TOX2: variants seen among roughly 807,000 people sequenced by gnomAD.
The protein encoded by TOX2 is TOX high mobility group box family member 2.
TOX2 carries 15 observed loss-of-function variants against 47.4 expected under a neutral mutation model. That is an observed-to-expected ratio of 0.32 (90% CI 0.21 to 0.49). The LOEUF (loss-of-function observed/expected upper bound fraction) is 0.49, where lower values mean the gene tolerates loss of function less well. TOX2 is among the 20% of genes least tolerant of loss of function. The probability of loss-of-function intolerance (pLI) is 0.99; values close to 1 mark genes in which losing one functional copy is unlikely to be tolerated. For missense variants in TOX2, 622 were observed against 673.1 expected (o/e 0.92, Z 0.84); for synonymous variants, 290 against 296.6 (o/e 0.98, Z 0.23).
At chr20:43,970,714 C>T (rs911247222) in intron 1 of TOX2, among the ~76,000 whole-genome samples, 5 of 152,186 alleles carry the variant, frequency 3.3e-5, no homozygotes, top group East Asian at 1.9e-4. Context: ...TTGCTGAGAG[C>T]GCCCCCACCC....
At chr20:43,951,705 A>ATTTTTTTTTTTTTTT (rs1212223106) in intron 1 of TOX2, among the ~76,000 whole-genome samples, 5 of 30,384 alleles carry the variant, frequency 1.6e-4, no homozygotes, top group Non-Finnish European at 3.4e-4. Context: ...TAAACTTATT[A>ATTTTTTTTTTTTTTT]TGTTTTTTTT....
intron 6 of TOX2, among the ~76,000 whole-genome samples, chr20:44,065,509 C>T (rs996548233): frequency 6.6e-6 from 1 of 152,134 alleles, no homozygotes; most frequent in African/African-American, 2.4e-5. Context: ...GGGGAGCCCC[C>T]CAAAGATAAA....
At chr20:43,967,169 A>G (rs16988563) in intron 1 of TOX2, among the ~76,000 whole-genome samples, 5,950 of 152,194 alleles carry the variant, frequency 0.039, 382 homozygotes, top group African/African-American at 0.13. Context: ...GGAAGGTGAC[A>G]GTTTCTGTTA....
At chr20:44,063,873 A>G (rs2145794246) in intron 5 of TOX2, among the ~76,000 whole-genome samples, 1 of 152,314 alleles carries the variant, frequency 6.6e-6, no homozygotes, top group East Asian at 1.9e-4. Flanking sequence ...CCTGGATGGA[A>G]TTGGAGACAA....
At chr20:44,041,364 G>A (rs148384451) in intron 3 of TOX2, among the ~76,000 whole-genome samples, 61 of 152,316 alleles carry the variant, frequency 4.0e-4, no homozygotes, top group Non-Finnish European at 6.9e-4. Context: ...GTCCGGCACC[G>A]ACAGTGTCCA....
chr20:43,985,217 T>C (rs2070243077), intron 2 of TOX2, among the ~76,000 whole-genome samples: 1 of 152,216 alleles, frequency 6.6e-6, no homozygotes, highest in Admixed American at 6.5e-5. Flanking sequence ...TGAATATCTC[T>C]GAGGGACCTT....
chr20:43,945,264 A>G (rs565735573), intron 1 of TOX2, among the ~76,000 whole-genome samples: 14 of 152,338 alleles, frequency 9.2e-5, no homozygotes, highest in Non-Finnish European at 1.8e-4. Flanking sequence ...ACACATACAT[A>G]TACACCGTTA....
intron 1 of TOX2, among the ~76,000 whole-genome samples, chr20:43,953,391 G>A (rs559908318): frequency 3.3e-5 from 5 of 152,202 alleles, no homozygotes; most frequent in East Asian, 1.9e-4. Flanking sequence ...CTGTTGTGGC[G>A]CCCCTTGTAC....
chr20:44,014,157 G>GAAAAAAAAAAAA (rs2070832642), intron 3 of TOX2, among the ~76,000 whole-genome samples: 1 of 133,260 alleles, frequency 7.5e-6, no homozygotes. Flanking sequence ...AAAAAAAAAG[G>GAAAAAAAAAAAA]AAAAGAGAGA....
chr20:43,952,839 C>T (rs1437119861), intron 1 of TOX2, among the ~76,000 whole-genome samples: 1 of 152,062 alleles, frequency 6.6e-6, no homozygotes, highest in Non-Finnish European at 1.5e-5. Context: ...GAATAATGAC[C>T]CCTAAGTATA....
chr20:43,945,814 TG>T lies in TOX2; in HGVS notation c.100-27548del, dbSNP rs1431058485. The T allele has an allele frequency of 2.0e-6, 3 of 1,498,372 alleles. No homozygotes were observed. The East Asian group carries it at 6.9e-5, about 35-fold the overall frequency. The allele number at this position is 1,498,372 out of a possible 1,614,324, so 92.8% of individuals were successfully genotyped here. A position where few individuals can be genotyped will look rare whatever the true frequency, so the allele number is the denominator to read the frequency against. On this transcript the variant is annotated intron_variant, in intron 1 of 8. Transcript: ENST00000341197. ...CACCTTATACGAATGGGATGGGGGG[TG>T]GGGGTGCTGGGCCTCCAGCCAATAG...
At chr20:44,037,406 GC>G (rs2071258657) in intron 3 of TOX2, among the ~76,000 whole-genome samples, 1 of 152,208 alleles carries the variant, frequency 6.6e-6, no homozygotes, top group African/African-American at 2.4e-5. Context: ...CCTCACAGCT[GC>G]CCCATGAGGG....
intron 5 of TOX2, among the ~76,000 whole-genome samples, chr20:44,058,269 G>A (rs1011602232): frequency 6.6e-6 from 1 of 152,194 alleles, no homozygotes; most frequent in African/African-American, 2.4e-5. Context: ...CGGTGCTGTT[G>A]GGGGTGCATG....
At chr20:44,049,885 A>G (rs1214560652) in intron 3 of TOX2, among the ~76,000 whole-genome samples, 2 of 152,154 alleles carry the variant, frequency 1.3e-5, no homozygotes, top group Non-Finnish European at 1.5e-5. Context: ...CTTTCAGTCT[A>G]TCTTTGATGG....
At chr20:44,034,032 T>A (rs1417549623) in intron 3 of TOX2, among the ~76,000 whole-genome samples, 1 of 152,218 alleles carries the variant, frequency 6.6e-6, no homozygotes, top group African/African-American at 2.4e-5. Flanking sequence ...TCTGCAAGCA[T>A]GCTTACCCTC....
At chr20:43,930,504 C>T (rs2069237985) in intron 1 of TOX2, among the ~76,000 whole-genome samples, 1 of 152,216 alleles carries the variant, frequency 6.6e-6, no homozygotes, top group Admixed American at 6.5e-5. Flanking sequence ...ATGCTTGACC[C>T]TTTGGGGCAA....
At chr20:44,060,323 C>T (rs921208033) in intron 5 of TOX2, among the ~76,000 whole-genome samples, 1 of 152,074 alleles carries the variant, frequency 6.6e-6, no homozygotes, top group Non-Finnish European at 1.5e-5. Context: ...CTTCAATACT[C>T]CACTGACAGC....
chr20:43,931,389 C>T (rs1189615196), intron 1 of TOX2, among the ~76,000 whole-genome samples: 1 of 152,240 alleles, frequency 6.6e-6, no homozygotes, highest in African/African-American at 2.4e-5. Context: ...CCCACCTCGG[C>T]CTCCCAAGTA....
intron 1 of TOX2, among the ~76,000 whole-genome samples, chr20:43,947,958 C>G (rs1305761924): frequency 6.6e-6 from 1 of 152,204 alleles, no homozygotes; most frequent in Non-Finnish European, 1.5e-5. Context: ...GAAGCTGAGC[C>G]AGGTTTAAGA....
Sources: allele counts gnomAD v4.1 joint callset (sites outside exome capture counted in the v4.1 genomes callset), GRCh38; gene constraint gnomAD v4.1.1; transcripts MANE v1.5; gene names NCBI Gene and HGNC (gene_info 2026-07-23, HGNC 2026-07-21).